The following ANKRD55 variants were observed in gnomAD, a reference collection of about 807,000 sequenced individuals.
ANKRD55 encodes the protein ankyrin repeat domain 55, also known as ankyrin repeat domain-containing protein 55.
A neutral mutation model predicts 60.6 loss-of-function variants in ANKRD55; 41 were observed. The ratio of observed to expected loss-of-function variants is 0.68; its 90% CI spans 0.53 to 0.88. ANKRD55 has a LOEUF of 0.88. ANKRD55 is among the 40% of genes least tolerant of loss of function. The probability of loss-of-function intolerance (pLI) is 0.00; values close to 1 mark genes in which losing one functional copy is unlikely to be tolerated. For synonymous variants in ANKRD55, 264 were observed against 290.3 expected (o/e 0.91, Z 0.92); for missense variants, 732 against 767.6 (o/e 0.95, Z 0.55).
In ANKRD55 at chr5:56,112,511, A is replaced by AAAAAAAAAAACAAAAAAAAAAAC. The variant is rs746250279; in HGVS notation, c.966-730_966-729insGTTTTTTTTTTTGTTTTTTTTTT. ...GCAGGATCTCATCTCTAGCAAAAAA[A>AAAAAAAAAAACAAAAAAAAAAAC]AAAAAAAAAAACAACCAAGGAAAGA... On this transcript the variant is annotated intron_variant, in intron 9 of 11. Transcript: ENST00000341048. Among the ~76,000 whole-genome samples the AAAAAAAAAAACAAAAAAAAAAAC allele has an allele frequency of 1.9e-3, 152 of 81,518 alleles. 8 individuals are homozygous for AAAAAAAAAAACAAAAAAAAAAAC. The highest frequency in any genetic ancestry group is 7.4e-3 in the Middle Eastern group (1 of 136). 53.5% of individuals were successfully genotyped at this position (81,518 alleles called of 152,430 possible).
At position 56,173,550 on chromosome 5, in the gene ANKRD55, CT is replaced by C. The variant is rs1213603466; in HGVS notation, c.312+2601del. On this transcript the variant is annotated intron_variant, in intron 4 of 11. Coordinates refer to ENST00000341048, the MANE Select transcript of ANKRD55 (RefSeq NM_024669.3). ...TAAATGTAGAGATTCGCCTCTCTCT[CT>C]CTCTCTCTCTCTCTCTCTCTCTCTC... 1.4e-3 allele frequency among the ~76,000 whole-genome samples: 88 copies of C among 62,230 alleles called. 2 individuals carry two copies. Among genetic ancestry groups the C allele is most frequent in the Admixed American group, 3.9e-3 (23 of 5,960 alleles). 40.8% of individuals were successfully genotyped at this position (62,230 alleles called of 152,430 possible). A position where few individuals can be genotyped will look rare whatever the true frequency, so the allele number is the denominator to read the frequency against.
At chr5:56,222,542 T>G (rs769663990) in intron 2 of ANKRD55, among the ~76,000 whole-genome samples, 49 of 152,016 alleles carry the variant, frequency 3.2e-4, no homozygotes, top group Non-Finnish European at 5.7e-4. Flanking sequence ...AGATCAGTAA[T>G]AACAAACTTC....
At chr5:56,122,304 A>C (rs1053446508) in intron 8 of ANKRD55, among the ~76,000 whole-genome samples, 1 of 152,140 alleles carries the variant, frequency 6.6e-6, no homozygotes, top group Non-Finnish European at 1.5e-5. Context: ...CATCCTGGAA[A>C]ATACTGTGAA....
In ANKRD55 at chr5:56,153,871, C is replaced by A. The variant is rs559562670; in HGVS notation, c.483+5962G>T. Among the ~76,000 whole-genome samples the A allele has an allele frequency of 3.3e-5, 5 of 151,114 alleles. No individual in the cohort carries two copies. In the East Asian group the frequency reaches 9.8e-4, roughly 30 times the overall value. On this transcript the variant is annotated intron_variant, in intron 6 of 11. Coordinates refer to ENST00000341048, the MANE Select transcript of ANKRD55 (RefSeq NM_024669.3). ...ACAACAACAACAAAAAAGGAATGAG[C>A]CAGATCTATATGTATCAAAAATTCT...
rs1157646013 is a variant in ANKRD55 at position 56,170,257 on chromosome 5, CT to C, written c.422+436del. Among the ~76,000 whole-genome samples the C allele has an allele frequency of 3.3e-5, 5 of 152,256 alleles. No homozygotes were observed. In the South Asian group the frequency reaches 1.0e-3, roughly 32 times the overall value. ...AGCCCTCATCACTATTAGAAATGAT[CT>C]TATTTATTTGTTAACTGGTATGCTT... On this transcript the variant is annotated intron_variant, in intron 5 of 11. Coordinates refer to ENST00000341048, the MANE Select transcript of ANKRD55 (RefSeq NM_024669.3).
At chr5:56,193,200 A>G in intron 2 of ANKRD55, 1 of 848,468 alleles carries the variant, frequency 1.2e-6, no homozygotes, top group Non-Finnish European at 1.8e-6. Context: ...CTAAGCAAAG[A>G]AAGCCTTGAA....
At chr5:56,148,116 T>C (rs1220596066) in intron 6 of ANKRD55, among the ~76,000 whole-genome samples, 1 of 152,260 alleles carries the variant, frequency 6.6e-6, no homozygotes, top group Non-Finnish European at 1.5e-5. Flanking sequence ...AAATGCTTAC[T>C]GGAAGAATTA....
chr5:56,214,284 T>C (rs1759750439), intron 2 of ANKRD55, among the ~76,000 whole-genome samples: 1 of 152,214 alleles, frequency 6.6e-6, no homozygotes, highest in South Asian at 2.1e-4. Context: ...GCTTGGAGTG[T>C]GGGATGTTCA....
chr5:56,219,469 T>C (rs1759910203), intron 2 of ANKRD55, among the ~76,000 whole-genome samples: 1 of 152,170 alleles, frequency 6.6e-6, no homozygotes, highest in African/African-American at 2.4e-5. Context: ...AGTGCCCTTC[T>C]TAGGTTTCAC....
chr5:56,113,969 A>C lies in ANKRD55; in HGVS notation c.966-2187T>G, dbSNP rs556463727. ...TCGACCCATCTGACTAGGTATATTTATATCAAAATATGTATACTATATATA... is the reference window on the plus strand; with the variant it reads ...TCGACCCATCTGACTAGGTATATTTCTATCAAAATATGTATACTATATATA... On this transcript the variant is annotated intron_variant, in intron 9 of 11. Transcript: ENST00000341048. Among the ~76,000 whole-genome samples the C allele has an allele frequency of 5.8e-4, 83 of 143,552 alleles. No individual in the cohort carries two copies. The Middle Eastern group carries it at 0.015, about 25-fold the overall frequency. 94.2% of individuals were successfully genotyped at this position (143,552 alleles called of 152,430 possible).
intron 6 of ANKRD55, among the ~76,000 whole-genome samples, chr5:56,158,585 T>C (rs545016813): frequency 4.6e-5 from 7 of 152,232 alleles, no homozygotes; most frequent in Non-Finnish European, 7.3e-5. Context: ...GGAAGCCTTC[T>C]ACTTGCAACA....
intron 6 of ANKRD55, among the ~76,000 whole-genome samples, chr5:56,151,910 T>TATATACATATAC (rs1758061767): frequency 7.0e-6 from 1 of 142,082 alleles, no homozygotes; most frequent in African/African-American, 2.7e-5. Flanking sequence ...TATGTGTGTA[T>TATATACATATAC]ATACACATAT....
At position 56,219,598 on chromosome 5, in the gene ANKRD55, A is replaced by G. The variant is rs572218341; in HGVS notation, c.58+13258T>C. Among the ~76,000 whole-genome samples, 5 of 152,334 alleles carry G rather than the reference A, an allele frequency of 3.3e-5. No individual in the cohort carries two copies. In the South Asian group the frequency reaches 1.0e-3, roughly 32 times the overall value. ...TATCAGAAAATCTGACATGTAGATC[A>G]TTCATGATATAAGGGAATTCTCAAA... On this transcript the variant is annotated intron_variant, in intron 2 of 11. Transcript: ENST00000341048.
chr5:56,170,296 A>G (rs898148887), intron 5 of ANKRD55, among the ~76,000 whole-genome samples: 9 of 152,230 alleles, frequency 5.9e-5, no homozygotes, highest in African/African-American at 1.7e-4. Flanking sequence ...GAGCTTCACT[A>G]GAATATAAGC....
In ANKRD55 at chr5:56,111,739, G is replaced by A; in HGVS notation, c.1009C>T (p.Gln337Ter). The A allele has an allele frequency of 6.6e-7, 1 of 1,515,800 alleles. No homozygotes were observed. Among genetic ancestry groups the A allele is most frequent in the South Asian group, 1.4e-5 (1 of 72,486 alleles). 93.9% of individuals were successfully genotyped at this position (1,515,800 alleles called of 1,614,324 possible). Residue 337 changes from glutamine (Q) to a stop codon, truncating the protein, a stop_gained, in exon 10 of 12, where the codon CAG (glutamine) becomes TAG (stop). Transcript: ENST00000341048. LOFTEE classifies it high-confidence loss of function. ...ACGTTGAACCGTCTCTCCTTCTTCT[G>A]GGGCCGACTGCTCTGGGAGGGAGGG... ...RPPPSQSSRPQKKERRFNVLN... is the reference protein window; with the variant it reads ...RPPPSQSSRP
chr5:56,101,576 A>C (rs1052443347), intron 11 of ANKRD55, among the ~76,000 whole-genome samples: 4 of 152,210 alleles, frequency 2.6e-5, no homozygotes, highest in Non-Finnish European at 4.4e-5. Flanking sequence ...ATTATGCTTC[A>C]GAGTATAGAT....
At chr5:56,218,187 T>C (rs1362684411) in intron 2 of ANKRD55, among the ~76,000 whole-genome samples, 1 of 152,232 alleles carries the variant, frequency 6.6e-6, no homozygotes, top group African/African-American at 2.4e-5. Context: ...ACTGTGAATA[T>C]TGTTGAAATG....
At chr5:56,143,235 C>T (rs1348603397) in intron 7 of ANKRD55, among the ~76,000 whole-genome samples, 2 of 152,188 alleles carry the variant, frequency 1.3e-5, no homozygotes, top group East Asian at 1.9e-4. Flanking sequence ...AGAAAGCACT[C>T]GGTTACACAT....
At chr5:56,231,676 C>CACACACAT (rs1760259075) in intron 2 of ANKRD55, among the ~76,000 whole-genome samples, 1 of 150,922 alleles carries the variant, frequency 6.6e-6, no homozygotes, top group Non-Finnish European at 1.5e-5. Flanking sequence ...CACACACACA[C>CACACACAT]ACACACACAC....
Sources: allele counts gnomAD v4.1 joint callset (sites outside exome capture counted in the v4.1 genomes callset), GRCh38; gene constraint gnomAD v4.1.1; transcripts MANE v1.5; gene names NCBI Gene and HGNC (gene_info 2026-07-23, HGNC 2026-07-21).